PHF20: variants seen among roughly 807,000 people sequenced by gnomAD.
PHF20 encodes the protein glioma-expressed antigen 2.
In PHF20, 23 loss-of-function variants were observed where a neutral mutation model predicts 113.5. That is an observed-to-expected ratio of 0.20 (90% CI 0.15 to 0.29). The LOEUF (loss-of-function observed/expected upper bound fraction) is 0.29. Among genes scored for constraint, PHF20 ranks in the 10% least tolerant of loss-of-function variants. The pLI is 1.00. For synonymous variants in PHF20, 434 were observed against 457.3 expected (o/e 0.95, Z 0.65); for missense variants, 943 against 1,219.6 (o/e 0.77, Z 3.38).
At chr20:35,858,242 A>C in intron 4 of PHF20, 60 bp from the exon 5 acceptor site, 1 of 903,854 alleles carries the variant, frequency 1.1e-6, no homozygotes, top group South Asian at 1.4e-5. Context: ...TTATACTTTG[A>C]AAAGTTACCA....
intron 10 of PHF20, among the ~76,000 whole-genome samples, chr20:35,908,869 T>A (rs1170706006): frequency 6.6e-6 from 1 of 152,216 alleles, no homozygotes; most frequent in Non-Finnish European, 1.5e-5. Context: ...AATAGATTGT[T>A]GTATATTAAC....
chr20:35,787,873 G>A (rs1406360506), intron 1 of PHF20, among the ~76,000 whole-genome samples: 2 of 48,988 alleles, frequency 4.1e-5, no homozygotes, highest in Non-Finnish European at 1.1e-4. Flanking sequence ...CTCCGCCTGG[G>A]TTCAAGTGAT....
intron 1 of PHF20, among the ~76,000 whole-genome samples, chr20:35,797,192 A>G (rs912236687): frequency 6.6e-6 from 1 of 151,952 alleles, no homozygotes; most frequent in African/African-American, 2.4e-5. Flanking sequence ...TACCTGGCCA[A>G]AAATTTGCAT....
chr20:35,919,275 C>G (rs2147094219), intron 13 of PHF20, among the ~76,000 whole-genome samples: 1 of 152,080 alleles, frequency 6.6e-6, no homozygotes, highest in South Asian at 2.1e-4. Flanking sequence ...CCTTGGCCTC[C>G]CAAAGTATTG....
At chr20:35,845,729 C>T (rs1288734375) in intron 3 of PHF20, among the ~76,000 whole-genome samples, 1 of 151,368 alleles carries the variant, frequency 6.6e-6, no homozygotes, top group African/African-American at 2.4e-5. Context: ...TATAATGGTC[C>T]TGCTGCTTTT....
At chr20:35,867,981 T>C (rs1429631066) in intron 6 of PHF20, among the ~76,000 whole-genome samples, 2 of 152,072 alleles carry the variant, frequency 1.3e-5, no homozygotes, top group African/African-American at 4.8e-5. Flanking sequence ...GGTAAGCTTC[T>C]TAGGTGGTAG....
chr20:35,944,652 G>A (rs2056053764), intron 17 of PHF20, among the ~76,000 whole-genome samples: 1 of 152,068 alleles, frequency 6.6e-6, no homozygotes, highest in South Asian at 2.1e-4. Flanking sequence ...GCTTACTGAA[G>A]CCTCTGCCTC....
chr20:35,842,585 C>T lies in PHF20; in HGVS notation c.96C>T (p.His32=). 1 of 1,612,066 alleles carries T rather than the reference C, an allele frequency of 6.2e-7. No individual in the cohort carries two copies. The highest frequency in any genetic ancestry group is 2.2e-5 in the East Asian group (1 of 44,858). The part of the protein sequence containing the change: ...RDRLKNWYPA[H]IEDIDYEEGK... ...TTTTCTGACTCAGGTATCCAGCTCA[C>T]ATAGAAGACATTGACTACGAGGAAG... The change falls in exon 3 of 18, where the codon CAC becomes CAT. Residue 32 remains histidine (H), a synonymous_variant. Transcript: ENST00000374012.
At chr20:35,828,323 C>G (rs1321894737) in intron 2 of PHF20, among the ~76,000 whole-genome samples, 1 of 152,090 alleles carries the variant, frequency 6.6e-6, no homozygotes, top group Non-Finnish European at 1.5e-5. Flanking sequence ...CGCGCCCAGC[C>G]TCATTAATTA....
At chr20:35,928,011 C>T (rs963846557) in intron 14 of PHF20, 132 bp downstream of exon 14, 30 of 693,740 alleles carry the variant, frequency 4.3e-5, no homozygotes, top group Middle Eastern at 3.6e-4. Flanking sequence ...AGCTCCTCCT[C>T]GCCTCTGTTG....
chr20:35,869,048 G>C (rs190619492), intron 6 of PHF20, among the ~76,000 whole-genome samples: 2 of 151,860 alleles, frequency 1.3e-5, no homozygotes, highest in Non-Finnish European at 2.9e-5. Flanking sequence ...CAGAGATCGC[G>C]GCACTGCACT....
chr20:35,807,577 T>C (rs2146877054), intron 2 of PHF20, among the ~76,000 whole-genome samples: 1 of 152,182 alleles, frequency 6.6e-6, no homozygotes, highest in Middle Eastern at 3.4e-3. Context: ...GGTCTTGAAC[T>C]CCTGACCTCA....
At chr20:35,913,914 A>T (rs2055353312) in intron 11 of PHF20, 119 bp from the exon 12 acceptor site, 3 of 940,372 alleles carry the variant, frequency 3.2e-6, no homozygotes, top group Middle Eastern at 3.3e-4. Flanking sequence ...TTTTTGGTTG[A>T]ATTGTCCCTG....
At chr20:35,887,995 T>TC (rs776140668) in intron 9 of PHF20, among the ~76,000 whole-genome samples, 1 of 150,558 alleles carries the variant, frequency 6.6e-6, no homozygotes, top group African/African-American at 2.5e-5. Context: ...TTTTTTTTTT[T>TC]CTGAGACAGA....
At chr20:35,819,215 A>G (rs931661775) in intron 2 of PHF20, among the ~76,000 whole-genome samples, 4 of 151,996 alleles carry the variant, frequency 2.6e-5, no homozygotes, top group Admixed American at 6.6e-5. Flanking sequence ...ACAGGCGTGA[A>G]CCACTGTGCC....
At chr20:35,881,570 AT>A (rs1315119348) in intron 9 of PHF20, among the ~76,000 whole-genome samples, 4 of 151,898 alleles carry the variant, frequency 2.6e-5, no homozygotes, top group African/African-American at 9.7e-5. Context: ...AAAGAAAAAA[AT>A]ATTCCATATT....
chr20:35,931,354 A>G lies in PHF20; in HGVS notation c.2210A>G (p.Lys737Arg). 1 of 1,614,102 alleles carries G rather than the reference A, an allele frequency of 6.2e-7. No individual in the cohort carries two copies. Among genetic ancestry groups the G allele is most frequent in the African/African-American group, 1.3e-5 (1 of 75,056 alleles). The change falls in exon 15 of 18, where the codon AAG becomes AGG. Residue 737 changes from lysine to arginine, a missense_variant. Around this residue, in one of 3 missense-constraint regions of PHF20, gnomAD observed 349 missense variants for 412.3 expected, o/e 0.85. Coordinates refer to ENST00000374012, the MANE Select transcript of PHF20 (RefSeq NM_016436.5). ...LEENYSHQNA[K>R]KIVATHQLLG... is the part of the protein sequence containing the mutation. ...GAGAACTACTCCCATCAGAATGCCA[A>G]GAAGATCGTGGCCACCCACCAGCTT...
intron 15 of PHF20, among the ~76,000 whole-genome samples, chr20:35,936,726 G>A (rs1291034246): frequency 2.0e-5 from 3 of 152,136 alleles, no homozygotes; most frequent in African/African-American, 7.2e-5. Context: ...GTAATCAAAT[G>A]CCATTACATG....
intron 1 of PHF20, among the ~76,000 whole-genome samples, chr20:35,799,359 G>C (rs1267222235): frequency 1.3e-5 from 2 of 150,196 alleles, no homozygotes; most frequent in African/African-American, 2.4e-5. Flanking sequence ...CCAGCTACTC[G>C]GGAGGCTGAG....
Sources: allele counts gnomAD v4.1 joint callset (sites outside exome capture counted in the v4.1 genomes callset), GRCh38; gene constraint gnomAD v4.1.1; regional missense constraint gnomAD v4.1.1; transcripts MANE v1.5; gene names NCBI Gene and HGNC (gene_info 2026-07-23, HGNC 2026-07-21).